FTCDNL1: variants seen among roughly 807,000 people sequenced by gnomAD.
The protein encoded by FTCDNL1 is formiminotransferase cyclodeaminase N-terminal like, also known as formiminotransferase N-terminal subdomain-containing protein.
FTCDNL1 carries 11 observed loss-of-function variants against 5.9 expected under a neutral mutation model. The ratio of observed to expected loss-of-function variants is 1.87; its 90% CI spans 1.18 to 3.10. The LOEUF (loss-of-function observed/expected upper bound fraction) is 3.10, where lower values mean the gene tolerates loss of function less well. FTCDNL1 is among the 30% of genes most tolerant of loss of function. The pLI is 0.00. For synonymous variants in FTCDNL1, 58 were observed against 24.8 expected, an observed-to-expected ratio of 2.34 and a Z score of -3.99; for missense variants, 115 against 65.5, an observed-to-expected ratio of 1.76 and a Z score of -2.61.
chr2:199,848,832 T>C lies in FTCDNL1; in HGVS notation c.115+16A>G, dbSNP rs2076798287. On this transcript the variant is annotated intron_variant, in intron 2 of 4. Transcript: ENST00000420128. ...AAACACTATAATATTCAGCTTCAAT[T>C]GTCTGTTTTTCCTACCATTTTTGTC... The C allele has an allele frequency of 1.4e-6, 1 of 701,424 alleles. No homozygotes were observed. Among genetic ancestry groups the C allele is most frequent in the Non-Finnish European group, 2.6e-6 (1 of 384,522 alleles). The allele number at this position is 701,424 out of a possible 1,614,324, so 43.5% of individuals were successfully genotyped here. A position where few individuals can be genotyped will look rare whatever the true frequency, so the allele number is the denominator to read the frequency against.
chr2:199,690,407 C>T, the FTCDNL1 span, among the ~76,000 whole-genome samples: 2 of 152,176 alleles, frequency 1.3e-5, no homozygotes, highest in Non-Finnish European at 2.9e-5. Context: ...GGCCTAGGCC[C>T]GTTCCATTCA....
At position 199,795,167 on chromosome 2, in the gene FTCDNL1, T is replaced by C. The variant is rs60620160; in HGVS notation, c.212-34332A>G. Reference sequence around the variant, plus strand: ...CCTGACATACAAGGCACTCAATAAGTGGTAGCTGATAAAATTACTTTTCCA... The same window carrying C: ...CCTGACATACAAGGCACTCAATAAGCGGTAGCTGATAAAATTACTTTTCCA... On this transcript the variant is annotated intron_variant, in intron 3 of 3. Transcript: ENST00000416668. Among the ~76,000 whole-genome samples the C allele has an allele frequency of 9.5e-3, 1,448 of 152,236 alleles. 22 individuals carry two copies. Among genetic ancestry groups the C allele is most frequent in the African/African-American group, 0.032 (1,341 of 41,550 alleles).
chr2:199,762,375 G>T (rs1475162602), intron 3 of FTCDNL1, among the ~76,000 whole-genome samples: 2 of 152,094 alleles, frequency 1.3e-5, no homozygotes, highest in Non-Finnish European at 2.9e-5. Context: ...GTGAAACTCT[G>T]TCTCAAAAAA....
At chr2:199,781,164 T>C (rs894721590) in intron 3 of FTCDNL1, among the ~76,000 whole-genome samples, 2 of 152,206 alleles carry the variant, frequency 1.3e-5, no homozygotes, top group African/African-American at 4.8e-5. Flanking sequence ...CTCCTTGTCT[T>C]TGGTTATCCA....
the FTCDNL1 span, among the ~76,000 whole-genome samples, chr2:199,689,530 T>C: frequency 2.6e-5 from 4 of 152,152 alleles, no homozygotes; most frequent in Admixed American, 6.6e-5. Context: ...TTATTCTCCA[T>C]TGAACTACAG....
the FTCDNL1 span, among the ~76,000 whole-genome samples, chr2:199,693,570 G>A: frequency 2.6e-5 from 4 of 152,082 alleles, no homozygotes; most frequent in African/African-American, 4.8e-5. Context: ...ATGTCTACAC[G>A]GATAATTATA....
the FTCDNL1 span, among the ~76,000 whole-genome samples, chr2:199,723,547 A>C: frequency 6.6e-6 from 1 of 152,066 alleles, no homozygotes; most frequent in African/African-American, 2.4e-5. Context: ...TATTGTTTTG[A>C]AATATGTTCC....
At chr2:199,825,129 C>A (rs530130504) in intron 3 of FTCDNL1, among the ~76,000 whole-genome samples, 110 of 148,160 alleles carry the variant, frequency 7.4e-4, no homozygotes, top group Non-Finnish European at 1.2e-3. Context: ...CAGAGCAAGA[C>A]CCTGTCTCAA....
the FTCDNL1 span, among the ~76,000 whole-genome samples, chr2:199,691,084 A>G: frequency 6.6e-6 from 1 of 152,240 alleles, no homozygotes; most frequent in Non-Finnish European, 1.5e-5. Context: ...AGGCCTAAAT[A>G]AAAGTGTGGA....
Position 199,812,708 on chromosome 2 carries a change from C to T in FTCDNL1, c.414G>A (p.Leu138=), listed in dbSNP as rs1416128758. 1.4e-6 allele frequency: 1 copy of T among 699,516 alleles called. No individual in the cohort carries two copies. The highest frequency in any genetic ancestry group is 1.5e-5 in the South Asian group (1 of 66,878). The allele number at this position is 699,516 out of a possible 1,614,324, so 43.3% of individuals were successfully genotyped here. A position where few individuals can be genotyped will look rare whatever the true frequency, so the allele number is the denominator to read the frequency against. ...CAATTTTCTTCCAACACAACTGTCA[C>T]AACGCCCTGAAGCAAGCTAAAAACA... The part of the protein sequence containing the change: ...RCGLTACFRA[L] Residue 138 remains leucine (L), a synonymous_variant, in exon 5 of 5, where the codon TTG becomes TTA. Transcript: ENST00000420128.
the FTCDNL1 span, among the ~76,000 whole-genome samples, chr2:199,734,249 GA>G: frequency 6.6e-6 from 1 of 152,184 alleles, no homozygotes. Flanking sequence ...GGTGGATGCT[GA>G]AACTGCTTTT....
the FTCDNL1 span, among the ~76,000 whole-genome samples, chr2:199,741,009 G>A: frequency 1.3e-5 from 2 of 152,096 alleles, no homozygotes; most frequent in South Asian, 2.1e-4. Context: ...CACAAAGAAC[G>A]GTCATGCCAC....
chr2:199,707,195 A>G, the FTCDNL1 span, among the ~76,000 whole-genome samples: 1 of 152,224 alleles, frequency 6.6e-6, no homozygotes, highest in South Asian at 2.1e-4. Flanking sequence ...TGGGGCATAG[A>G]GTTGGAATGT....
chr2:199,694,445 G>A, the FTCDNL1 span, among the ~76,000 whole-genome samples: 2 of 152,172 alleles, frequency 1.3e-5, no homozygotes, highest in Non-Finnish European at 2.9e-5. Context: ...CTGACATGTG[G>A]TCAGTGTTTG....
At chr2:199,683,219 A>C in the FTCDNL1 span, among the ~76,000 whole-genome samples, 16 of 152,234 alleles carry the variant, frequency 1.1e-4, no homozygotes, top group African/African-American at 3.9e-4. Context: ...CCATTCCATG[A>C]AAAACCCAAT....
At chr2:199,769,360 A>G (rs1262282752) in intron 3 of FTCDNL1, among the ~76,000 whole-genome samples, 2 of 152,120 alleles carry the variant, frequency 1.3e-5, no homozygotes, top group Non-Finnish European at 2.9e-5. Context: ...CTACTAGTCA[A>G]TAAGTCTCAT....
intron 3 of FTCDNL1, among the ~76,000 whole-genome samples, chr2:199,763,472 A>T (rs1698366661): frequency 6.6e-6 from 1 of 152,170 alleles, no homozygotes; most frequent in South Asian, 2.1e-4. Context: ...TTCACTGGGG[A>T]TCTTCATAGA....
the FTCDNL1 span, among the ~76,000 whole-genome samples, chr2:199,709,394 C>T: frequency 6.6e-6 from 1 of 152,172 alleles, no homozygotes; most frequent in East Asian, 1.9e-4. Flanking sequence ...CCCTCATTTT[C>T]CACAGTATGA....
the FTCDNL1 span, among the ~76,000 whole-genome samples, chr2:199,750,702 A>T: frequency 6.6e-6 from 1 of 152,236 alleles, no homozygotes; most frequent in African/African-American, 2.4e-5. Flanking sequence ...AGACTCCGCC[A>T]TGGATGGCTT....
Sources: gnomAD v4.1 joint callset for allele counts (sites outside exome capture counted in the v4.1 genomes callset) on GRCh38, gnomAD v4.1.1 for gene constraint, MANE v1.5 for transcripts, NCBI Gene and HGNC (gene_info 2026-07-23, HGNC 2026-07-21) for gene names.